Variants in ARID4A observed in about 807,000 individuals in gnomAD.
The protein encoded by ARID4A is AT-rich interaction domain 4A, also known as AT-rich interactive domain-containing protein 4A.
Under a neutral mutation model 148.6 loss-of-function variants are expected in ARID4A, and 39 were observed. The ratio of observed to expected loss-of-function variants is 0.26; its 90% CI spans 0.20 to 0.34. ARID4A has a LOEUF of 0.34. Ranked by LOEUF, ARID4A falls within the 10% of genes least tolerant of loss-of-function variation. The pLI is 1.00. For missense variants in ARID4A, 1,265 were observed against 1,449.1 expected, an observed-to-expected ratio of 0.87 and a Z score of 2.06; for synonymous variants, 475 against 481.2, an observed-to-expected ratio of 0.99 and a Z score of 0.17.
intron 5 of ARID4A, among the ~76,000 whole-genome samples, chr14:58,316,720 A>G (rs1256436620): frequency 6.6e-6 from 1 of 152,054 alleles, no homozygotes; most frequent in Non-Finnish European, 1.5e-5. Flanking sequence ...AGCTGAGATT[A>G]CAGGCGTGTG....
intron 15 of ARID4A, among the ~76,000 whole-genome samples, chr14:58,349,611 C>T (rs560261318): frequency 1.3e-5 from 2 of 151,756 alleles, no homozygotes; most frequent in Middle Eastern, 3.4e-3. Context: ...CTACTCAGGA[C>T]GCTGAGGCAG....
chr14:58,342,974 C>T (rs879466207), intron 11 of ARID4A, among the ~76,000 whole-genome samples: 10 of 151,816 alleles, frequency 6.6e-5, no homozygotes, highest in South Asian at 2.1e-4. Context: ...GATTACAGGG[C>T]ACAGGCAAAG....
intron 19 of ARID4A, 132 bp downstream of exon 19, chr14:58,361,174 A>C (rs553011342): frequency 1.5e-6 from 2 of 1,372,556 alleles, no homozygotes; most frequent in South Asian, 3.1e-5. Flanking sequence ...CATTGTGTGA[A>C]ATATTCACAG....
In ARID4A at chr14:58,371,752, T is replaced by C. The variant is rs924359172; in HGVS notation, c.3671-134T>C. On this transcript the variant is annotated intron_variant, in intron 23 of 23. Coordinates refer to ENST00000355431, the MANE Select transcript of ARID4A (RefSeq NM_002892.4). ...AACAAAATTTTTGCTGACAATTTGT[T>C]ACTCCTTCATGTGACATATAAGAGG... 9.7e-6 allele frequency: 7 copies of C among 723,326 alleles called. No individual in the cohort carries two copies. In the African/African-American group the frequency reaches 1.2e-4, roughly 13 times the overall value. 44.8% of individuals were successfully genotyped at this position (723,326 alleles called of 1,614,324 possible).
At chr14:58,306,193 G>T in intron 5 of ARID4A, 81 bp downstream of exon 5, 1 of 982,014 alleles carries the variant, frequency 1.0e-6, no homozygotes. Flanking sequence ...GAATCATTGT[G>T]TTGGTGGAGA....
chr14:58,311,266 A>G (rs1009742389), intron 5 of ARID4A, among the ~76,000 whole-genome samples: 3 of 152,112 alleles, frequency 2.0e-5, no homozygotes, highest in Non-Finnish European at 1.5e-5. Flanking sequence ...AAATGAAAAT[A>G]ATAGGCAAAG....
intron 7 of ARID4A, among the ~76,000 whole-genome samples, chr14:58,322,989 A>G (rs2033000436): frequency 7.7e-6 from 1 of 130,132 alleles, no homozygotes. Flanking sequence ...AAATATATAT[A>G]TATATATATA....
chr14:58,316,371 C>A (rs941993697), intron 5 of ARID4A, among the ~76,000 whole-genome samples: 1 of 152,060 alleles, frequency 6.6e-6, no homozygotes, highest in Non-Finnish European at 1.5e-5. Context: ...TTATTCATAA[C>A]CTGGGGCAAT....
intron 18 of ARID4A, among the ~76,000 whole-genome samples, chr14:58,360,544 G>C (rs2035089147): frequency 6.6e-6 from 1 of 152,184 alleles, no homozygotes; most frequent in African/African-American, 2.4e-5. Context: ...GCAGGGGATA[G>C]TAGGGAACAG....
intron 7 of ARID4A, among the ~76,000 whole-genome samples, chr14:58,320,057 C>T (rs1289016047): frequency 6.6e-6 from 1 of 150,564 alleles, no homozygotes; most frequent in Admixed American, 6.7e-5. Context: ...AAACGATTCT[C>T]CTGCCTCAGC....
intron 5 of ARID4A, among the ~76,000 whole-genome samples, chr14:58,313,493 C>T (rs1156472484): frequency 6.6e-6 from 1 of 152,168 alleles, no homozygotes; most frequent in African/African-American, 2.4e-5. Flanking sequence ...TTGCCCACCG[C>T]TAACCTGCTG....
chr14:58,307,356 C>T (rs1478153980), intron 5 of ARID4A, among the ~76,000 whole-genome samples: 2 of 152,158 alleles, frequency 1.3e-5, no homozygotes, highest in Non-Finnish European at 2.9e-5. Flanking sequence ...TCTGTCTTAC[C>T]CTGTACCTTC....
In ARID4A at chr14:58,371,871, G is replaced by A. The variant is rs759634006; in HGVS notation, c.3671-15G>A. ...AACAGTTTTTGGATCTAACATAGTT[G>A]TTTTGATTCCACAGTGTCTCATGCG... On this transcript the variant is annotated splice_polypyrimidine_tract_variant and intron_variant, in intron 23 of 23. Transcript: ENST00000355431. 3.8e-6 allele frequency: 6 copies of A among 1,597,370 alleles called. No individual in the cohort carries two copies. Among genetic ancestry groups the A allele is most frequent in the East Asian group, 2.2e-5 (1 of 44,774 alleles).
intron 2 of ARID4A, among the ~76,000 whole-genome samples, chr14:58,300,097 C>A (rs1414143161): frequency 6.6e-6 from 1 of 152,156 alleles, no homozygotes; most frequent in Admixed American, 6.5e-5. Context: ...CAATTGTTGT[C>A]CATTCGGATA....
chr14:58,323,284 A>G (rs1002239342), intron 7 of ARID4A, among the ~76,000 whole-genome samples: 1 of 152,126 alleles, frequency 6.6e-6, no homozygotes, highest in East Asian at 1.9e-4. Flanking sequence ...AAGTGGACTC[A>G]GAGTTACCAT....
rs142881487 is a variant in ARID4A at position 58,340,925 on chromosome 14, TATC to T, written c.907-3767_907-3765del. The stretch of plus-strand genomic sequence containing the variant: ...ACTCTACACAATTCATTTGCACAGA[TATC>T]ATTTTCATTCACATGAGTAATGTCT... On this transcript the variant is annotated intron_variant, in intron 11 of 23. Coordinates refer to ENST00000355431, the MANE Select transcript of ARID4A (RefSeq NM_002892.4). Among the ~76,000 whole-genome samples the T allele has an allele frequency of 1.1e-3, 167 of 152,368 alleles. 1 individual carries two copies. Among genetic ancestry groups the T allele is most frequent in the African/African-American group, 3.8e-3 (156 of 41,590 alleles).
intron 11 of ARID4A, among the ~76,000 whole-genome samples, chr14:58,342,725 C>G (rs1475599271): frequency 1.3e-5 from 2 of 152,064 alleles, no homozygotes. Context: ...CCAGCCTAGC[C>G]AATGTGGCGA....
In ARID4A at chr14:58,301,709, C is replaced by A. The variant is rs764406204; in HGVS notation, c.117+19C>A. On this transcript the variant is annotated intron_variant, in intron 3 of 23. Transcript: ENST00000355431. ...AGTTAAGGTAATATTTGTTTTTATG[C>A]AATAGTTTTATTAACTCTAGATTGA... The A allele has an allele frequency of 5.1e-6, 8 of 1,582,160 alleles. No individual in the cohort carries two copies. The East Asian group carries it at 1.8e-4, about 35-fold the overall frequency.
chr14:58,302,862 A>G (rs1427723777), intron 3 of ARID4A, among the ~76,000 whole-genome samples: 2 of 152,132 alleles, frequency 1.3e-5, no homozygotes, highest in Non-Finnish European at 2.9e-5. Flanking sequence ...CTGGAGGCAG[A>G]GGTGGGAGAA....
Sources: allele counts gnomAD v4.1 joint callset (sites outside exome capture counted in the v4.1 genomes callset), GRCh38; gene constraint gnomAD v4.1.1; transcripts MANE v1.5; gene names NCBI Gene and HGNC (gene_info 2026-07-23, HGNC 2026-07-21).